Variants in CRIM1 observed in about 807,000 individuals in gnomAD.
The protein encoded by CRIM1 is cysteine-rich motor neuron 1 protein.
Under a neutral mutation model 116.4 loss-of-function variants are expected in CRIM1, and 32 were observed. The observed-to-expected ratio is 0.27, with a 90% CI of 0.21 to 0.37. The LOEUF is 0.37. Ranked by LOEUF, CRIM1 falls within the 10% of genes least tolerant of loss-of-function variation. The pLI is 1.00. For missense variants in CRIM1, 1,331 were observed against 1,354.8 expected (o/e 0.98, Z 0.28); for synonymous variants, 590 against 509.2 (o/e 1.16, Z -2.13).
chr2:36,467,430 A>G (rs954314198), intron 5 of CRIM1, among the ~76,000 whole-genome samples: 5 of 152,252 alleles, frequency 3.3e-5, no homozygotes, highest in African/African-American at 1.2e-4. Flanking sequence ...GTATGTATAT[A>G]TAAATATACT....
chr2:36,411,662 T>TGTGTG (rs150059589), intron 2 of CRIM1, among the ~76,000 whole-genome samples: 3 of 150,094 alleles, frequency 2.0e-5, no homozygotes, highest in Admixed American at 6.6e-5. Context: ...ATCTTATTCT[T>TGTGTG]TGTGTGTGTG....
chr2:36,511,028 G>T (rs921954584), intron 9 of CRIM1, among the ~76,000 whole-genome samples: 1 of 150,038 alleles, frequency 6.7e-6, no homozygotes, highest in Non-Finnish European at 1.5e-5. Flanking sequence ...CAGGCTGTCA[G>T]TCCTCCCACC....
intron 2 of CRIM1, among the ~76,000 whole-genome samples, chr2:36,428,001 T>C (rs891695516): frequency 3.3e-5 from 5 of 152,260 alleles, no homozygotes; most frequent in Non-Finnish European, 5.9e-5. Flanking sequence ...GGGTTATTTT[T>C]GTGTTGGTTT....
intron 7 of CRIM1, among the ~76,000 whole-genome samples, chr2:36,480,246 G>C (rs1179574691): frequency 2.0e-5 from 3 of 152,148 alleles, no homozygotes; most frequent in Admixed American, 6.5e-5. Flanking sequence ...CTCTCTTCTT[G>C]TTCAGTGGAG....
chr2:36,540,076 G>A (rs1348590357), intron 14 of CRIM1, among the ~76,000 whole-genome samples: 2 of 152,138 alleles, frequency 1.3e-5, no homozygotes, highest in Non-Finnish European at 2.9e-5. Context: ...GGAGCACCAG[G>A]AATAAAGGAA....
chr2:36,475,318 T>A (rs565920990), intron 5 of CRIM1, among the ~76,000 whole-genome samples: 2 of 152,400 alleles, frequency 1.3e-5, no homozygotes, highest in African/African-American at 4.8e-5. Context: ...GTTATTACAT[T>A]TATTCCTAAG....
At chr2:36,452,480 T>C (rs1010097228) in intron 4 of CRIM1, among the ~76,000 whole-genome samples, 13 of 152,188 alleles carry the variant, frequency 8.5e-5, no homozygotes, top group Admixed American at 4.6e-4. Flanking sequence ...CCAGAGTCTA[T>C]ATTAAACTCT....
intron 2 of CRIM1, among the ~76,000 whole-genome samples, chr2:36,410,845 G>A (rs1260209392): frequency 6.6e-6 from 1 of 152,074 alleles, no homozygotes; most frequent in Non-Finnish European, 1.5e-5. Flanking sequence ...TTGAGTTCAT[G>A]GCAGGGTGCA....
chr2:36,481,462 A>G (rs1558353212), intron 7 of CRIM1, among the ~76,000 whole-genome samples: 1 of 152,180 alleles, frequency 6.6e-6, no homozygotes, highest in Non-Finnish European at 1.5e-5. Flanking sequence ...AATTTGAAAA[A>G]ATTAAGAACC....
At chr2:36,545,428 TCAACATAC>T (rs1035250684) in intron 15 of CRIM1, among the ~76,000 whole-genome samples, 1 of 152,174 alleles carries the variant, frequency 6.6e-6, no homozygotes, top group African/African-American at 2.4e-5. Flanking sequence ...AGGCTAGACT[TCAACATAC>T]TGTAAGTACG....
At chr2:36,454,155 G>T (rs1273036543) in intron 4 of CRIM1, among the ~76,000 whole-genome samples, 1 of 152,158 alleles carries the variant, frequency 6.6e-6, no homozygotes, top group Non-Finnish European at 1.5e-5. Flanking sequence ...CATGACTCCT[G>T]CCAGTACCCC....
At chr2:36,544,859 A>T (rs1321865173) in intron 15 of CRIM1, among the ~76,000 whole-genome samples, 1 of 152,214 alleles carries the variant, frequency 6.6e-6, no homozygotes, top group East Asian at 1.9e-4. Flanking sequence ...ATCATGAATT[A>T]GTCACTGTCT....
Position 36,441,332 on chromosome 2 carries a change from A to T in CRIM1, c.580A>T (p.Ile194Phe), listed in dbSNP as rs1342097258. 17 of 1,614,142 alleles carry T rather than the reference A, an allele frequency of 1.1e-5. No homozygotes were observed. Among genetic ancestry groups the T allele is most frequent in the Non-Finnish European group, 1.4e-5 (17 of 1,180,024 alleles). Residue 194 changes from isoleucine to phenylalanine, a missense_variant, in exon 3 of 17, where the codon ATC (isoleucine) becomes TTC (phenylalanine). By Grantham distance (21) the Ile-to-Phe change is conservative (BLOSUM62 0). Around this residue, in one of 3 missense-constraint regions of CRIM1, gnomAD observed 690 missense variants for 676.0 expected, o/e 1.02. Transcript: ENST00000280527. ...SPRCPEDSVL[I>F]EGYAPPGECC... ...ACGTTGTCCTGAAGATTCTGTTCTG[A>T]TCGAGGGTTATGCTCCTCCTGGGGA...
chr2:36,489,022 T>G (rs1255692691), intron 7 of CRIM1, among the ~76,000 whole-genome samples: 1 of 152,206 alleles, frequency 6.6e-6, no homozygotes, highest in East Asian at 1.9e-4. Context: ...CTTATTCTTT[T>G]CTAGCTAAAA....
At position 36,543,739 on chromosome 2, in the gene CRIM1, T is replaced by C. The variant is rs183694355; in HGVS notation, c.2624-637T>C. Among the ~76,000 whole-genome samples the C allele has an allele frequency of 6.0e-4, 92 of 152,266 alleles. 1 individual carries two copies. Among genetic ancestry groups the C allele is most frequent in the African/African-American group, 2.1e-3 (87 of 41,568 alleles). ...ATATTTGAGATAAATAATATTCTTC[T>C]GTTTGTTTTATGTTGTAGTATAATA... On this transcript the variant is annotated intron_variant, in intron 14 of 16. Coordinates refer to ENST00000280527, the MANE Select transcript of CRIM1 (RefSeq NM_016441.3).
At chr2:36,401,538 A>G (rs1572649318) in intron 2 of CRIM1, among the ~76,000 whole-genome samples, 1 of 152,226 alleles carries the variant, frequency 6.6e-6, no homozygotes, top group East Asian at 1.9e-4. Flanking sequence ...ATGCAGTAGT[A>G]AAAGCAGTGC....
At chr2:36,535,648 C>T (rs1666495295) in intron 13 of CRIM1, among the ~76,000 whole-genome samples, 1 of 152,134 alleles carries the variant, frequency 6.6e-6, no homozygotes, top group Non-Finnish European at 1.5e-5. Flanking sequence ...CAGTTTCTTC[C>T]TTGGACTTGT....
At chr2:36,528,692 A>G (rs1414149603) in intron 13 of CRIM1, among the ~76,000 whole-genome samples, 1 of 152,226 alleles carries the variant, frequency 6.6e-6, no homozygotes, top group Admixed American at 6.5e-5. Context: ...TAGTGCTAAA[A>G]AGATTGAAAC....
Position 36,477,037 on chromosome 2 carries a change from C to T in CRIM1, c.1140C>T (p.Tyr380=), listed in dbSNP as rs201490653. 10 of 1,613,452 alleles carry T rather than the reference C, an allele frequency of 6.2e-6. No individual in the cohort carries two copies. In the East Asian group the frequency reaches 6.7e-5, roughly 11 times the overall value. Residue 380 remains tyrosine, a synonymous_variant, in exon 6 of 17, where the codon TAC becomes TAT. Transcript: ENST00000280527. ...QCGEINCERY[Y]VPEGECCPVC... ...GTGAGATAAACTGCGAGAGGTACTA[C>T]GTGCCCGAAGGAGAGTGCTGCCCAG...
Sources: allele counts gnomAD v4.1 joint callset (sites outside exome capture counted in the v4.1 genomes callset), GRCh38; gene constraint gnomAD v4.1.1; regional missense constraint gnomAD v4.1.1; transcripts MANE v1.5; gene names NCBI Gene and HGNC (gene_info 2026-07-23, HGNC 2026-07-21).